Variants in TNNI3K observed in about 807,000 individuals in gnomAD.
The protein encoded by TNNI3K is serine/threonine-protein kinase TNNI3K.
TNNI3K carries 140 observed loss-of-function variants against 114.5 expected under a neutral mutation model. The ratio of observed to expected loss-of-function variants is 1.22; its 90% CI spans 1.07 to 1.41. The LOEUF (loss-of-function observed/expected upper bound fraction) is 1.41. Ranked by LOEUF, TNNI3K falls within the 40% of genes most tolerant of loss-of-function variation. The pLI, the probability that TNNI3K is intolerant of heterozygous loss-of-function variation, is 0.00. For missense variants in TNNI3K, 1,125 were observed against 1,007.6 expected (o/e 1.12, Z -1.58); for synonymous variants, 347 against 347.5 (o/e 1.00, Z 0.02).
intron 4 of TNNI3K, among the ~76,000 whole-genome samples, chr1:74,268,108 A>T (rs1195328540): frequency 6.6e-6 from 1 of 151,918 alleles, no homozygotes; most frequent in Non-Finnish European, 1.5e-5. Flanking sequence ...ACAATTTGTC[A>T]GTTTTATATG....
intron 21 of TNNI3K, chr1:74,475,860 C>G: frequency 1.9e-6 from 1 of 529,030 alleles, no homozygotes; most frequent in Non-Finnish European, 3.4e-6. Context: ...GGAAGAAACA[C>G]ATAAATCATC....
chr1:74,287,366 C>G (rs1657396418), intron 5 of TNNI3K, among the ~76,000 whole-genome samples: 1 of 151,966 alleles, frequency 6.6e-6, no homozygotes, highest in Non-Finnish European at 1.5e-5. Flanking sequence ...ATCCATGAAG[C>G]CCAAAGAACC....
chr1:74,416,575 G>A, intron 17 of TNNI3K: 1 of 984,906 alleles, frequency 1.0e-6, no homozygotes, highest in Non-Finnish European at 1.2e-6. Flanking sequence ...CTGATAAAAA[G>A]CAACAAAATT....
At chr1:74,339,000 T>C (rs1660620160) in intron 7 of TNNI3K, among the ~76,000 whole-genome samples, 1 of 152,084 alleles carries the variant, frequency 6.6e-6, no homozygotes, top group African/African-American at 2.4e-5. Flanking sequence ...TGAAACTGCC[T>C]CACTCTTCCA....
chr1:74,466,792 G>A (rs1667699651), intron 21 of TNNI3K, among the ~76,000 whole-genome samples: 1 of 152,134 alleles, frequency 6.6e-6, no homozygotes, highest in South Asian at 2.1e-4. Flanking sequence ...GGAACAGTGG[G>A]CTGTTTTTCA....
In TNNI3K at chr1:74,463,425, A is replaced by G; in HGVS notation, c.2012-16A>G. ...ACATGTGAATTTCAAAACTGACATGACCATTTGGTTTGCAGCGGCTGCGGC... is the reference window on the plus strand; with the variant it reads ...ACATGTGAATTTCAAAACTGACATGGCCATTTGGTTTGCAGCGGCTGCGGC... On this transcript the variant is annotated splice_polypyrimidine_tract_variant and intron_variant, in intron 20 of 24. Transcript: ENST00000326637. 6.2e-7 allele frequency: 1 copy of G among 1,613,930 alleles called. No homozygotes were observed. The highest frequency in any genetic ancestry group is 8.5e-7 in the Non-Finnish European group (1 of 1,179,830).
intron 23 of TNNI3K, among the ~76,000 whole-genome samples, chr1:74,529,860 C>A (rs1249615203): frequency 6.6e-6 from 1 of 152,154 alleles, no homozygotes; most frequent in East Asian, 1.9e-4. Flanking sequence ...TGGATGACCC[C>A]ACCCCTTGTG....
chr1:74,370,582 G>A (rs41289192), intron 17 of TNNI3K, 190 bp downstream of exon 17: 40 of 394,888 alleles, frequency 1.0e-4, no homozygotes, highest in Non-Finnish European at 1.6e-4. Context: ...CTGTATAACT[G>A]CTTCTCAGGG....
intron 20 of TNNI3K, among the ~76,000 whole-genome samples, chr1:74,451,718 T>C: frequency 1.4e-5 from 1 of 73,034 alleles, no homozygotes; most frequent in African/African-American, 5.7e-5. Context: ...TTTCTTTCTT[T>C]CTTTCTTTCT....
chr1:74,479,198 A>G (rs1260949947), intron 21 of TNNI3K, among the ~76,000 whole-genome samples: 1 of 152,126 alleles, frequency 6.6e-6, no homozygotes, highest in African/African-American at 2.4e-5. Context: ...CCACAGGTGC[A>G]GAGGATTTCA....
chr1:74,438,707 A>C (rs558086975), intron 19 of TNNI3K, among the ~76,000 whole-genome samples: 1 of 152,240 alleles, frequency 6.6e-6, no homozygotes, highest in South Asian at 2.1e-4. Flanking sequence ...ATGCATTTGC[A>C]TCCCAGAATG....
chr1:74,541,922 C>T lies in TNNI3K; in HGVS notation c.2431+1609C>T, dbSNP rs200297250. On this transcript the variant is annotated intron_variant, in intron 24 of 24. Transcript: ENST00000326637. The stretch of plus-strand genomic sequence containing the variant: ...CAACAATTTTATGAGCTTCTTCTCC[C>T]CCTGCTTTGCCGCCAAAGAGCAGAG... Among the ~76,000 whole-genome samples, 18 of 152,308 alleles carry T rather than the reference C, an allele frequency of 1.2e-4. No individual in the cohort carries two copies. In the East Asian group the frequency reaches 3.5e-3, roughly 29 times the overall value.
intron 5 of TNNI3K, among the ~76,000 whole-genome samples, chr1:74,285,608 T>C (rs1488408949): frequency 1.3e-5 from 2 of 152,194 alleles, no homozygotes; most frequent in Non-Finnish European, 2.9e-5. Flanking sequence ...TATTATACTC[T>C]TTTTTGAGCA....
In TNNI3K at chr1:74,360,779, T is replaced by C. The variant is rs181902623; in HGVS notation, c.1178-6477T>C. 1.9e-3 allele frequency among the ~76,000 whole-genome samples: 282 copies of C among 152,212 alleles called. 6 individuals are homozygous for C. The highest frequency in any genetic ancestry group is 3.4e-4 in the Non-Finnish European group (23 of 67,964). On this transcript the variant is annotated intron_variant, in intron 11 of 24. Transcript: ENST00000326637. ...TTCCCTGACATTCCAGCCTAGCACA[T>C]ACATCCTTTCTTTATATTTTATTTT...
intron 21 of TNNI3K, among the ~76,000 whole-genome samples, chr1:74,485,796 A>G (rs1346939508): frequency 6.6e-6 from 1 of 152,172 alleles, no homozygotes; most frequent in African/African-American, 2.4e-5. Context: ...AGCTGTAGGC[A>G]TCCTCTAGAA....
At chr1:74,496,337 T>C (rs577521931) in intron 23 of TNNI3K, among the ~76,000 whole-genome samples, 8 of 152,312 alleles carry the variant, frequency 5.3e-5, no homozygotes, top group African/African-American at 1.9e-4. Flanking sequence ...TTCCTTACAA[T>C]GTACCACTAA....
rs1422215001 is a variant in TNNI3K, at chr1:74,354,038, T to C, written c.1086T>C (p.Asn362=). The C allele has an allele frequency of 6.2e-7, 1 of 1,614,130 alleles. No individual in the cohort carries two copies. The highest frequency in any genetic ancestry group is 1.3e-5 in the African/African-American group (1 of 75,048). Residue 362 remains asparagine, a synonymous_variant, in exon 11 of 25, where the codon AAT becomes AAC. Coordinates refer to ENST00000326637, the MANE Select transcript of TNNI3K (RefSeq NM_015978.3). The stretch of plus-strand genomic sequence containing the variant: ...GCCTGGTTCAGTTCTTACTGGATAA[T>C]GGAGCTGATATGAATCTAGTGGCTT... ...HIRLVQFLLD[N]GADMNLVACD... is the part of the protein sequence containing the mutation.
intron 23 of TNNI3K, among the ~76,000 whole-genome samples, chr1:74,516,642 A>G (rs1388043248): frequency 6.6e-6 from 1 of 152,176 alleles, no homozygotes; most frequent in Non-Finnish European, 1.5e-5. Flanking sequence ...TGGGACCTCA[A>G]CAGTAAGTGG....
At chr1:74,379,540 G>A (rs2100545373) in intron 17 of TNNI3K, among the ~76,000 whole-genome samples, 1 of 152,112 alleles carries the variant, frequency 6.6e-6, no homozygotes, top group East Asian at 1.9e-4. Context: ...TTTCTGACAT[G>A]CTCAGTTTCC....
Sources: gnomAD v4.1 joint callset for allele counts (sites outside exome capture counted in the v4.1 genomes callset) on GRCh38, gnomAD v4.1.1 for gene constraint, MANE v1.5 for transcripts, NCBI Gene and HGNC (gene_info 2026-07-23, HGNC 2026-07-21) for gene names.